The following CEP290 variants were observed in gnomAD, a reference collection of about 807,000 sequenced individuals.
The protein encoded by CEP290 is centrosomal protein 290.
Under a neutral mutation model 344.9 loss-of-function variants are expected in CEP290, and 317 were observed. That is an observed-to-expected ratio of 0.92 (90% confidence interval 0.84 to 1.01). The LOEUF (loss-of-function observed/expected upper bound fraction) is 1.01. CEP290 is among the 50% of genes least tolerant of loss of function. The pLI, the probability that CEP290 is intolerant of heterozygous loss-of-function variation, is 0.00. For synonymous variants in CEP290, 932 were observed against 895.8 expected (o/e 1.04, Z -0.72); for missense variants, 2,754 against 2,761.4 (o/e 1.00, Z 0.06).
chr12:88,051,021 T>G (rs570481201), intron 52 of CEP290, among the ~76,000 whole-genome samples: 1 of 152,248 alleles, frequency 6.6e-6, no homozygotes, highest in African/African-American at 2.4e-5. Context: ...ACCTCTAACT[T>G]TATCAGCAGG....
rs775650155 is a variant in CEP290 at position 88,049,134 on chromosome 12, A to ACTT, written c.*47_*49dup. ...AACTGCTTATTTCCAAGTATATTTA[A>ACTT]CTTATAAAGTTAATAAATAGTTAAA... On this transcript the variant is annotated 3_prime_UTR_variant, in exon 54 of 54. Transcript: ENST00000552810. The ACTT allele has an allele frequency of 5.4e-6, 6 of 1,109,576 alleles. No individual in the cohort carries two copies. The highest frequency in any genetic ancestry group is 6.6e-6 in the Non-Finnish European group (5 of 762,594). The allele number at this position is 1,109,576 out of a possible 1,614,324, so 68.7% of individuals were successfully genotyped here. A position where few individuals can be genotyped will look rare whatever the true frequency, so the allele number is the denominator to read the frequency against.
chr12:88,083,211 G>A lies in CEP290; in HGVS notation c.4832C>T (p.Pro1611Leu), dbSNP rs766917802. 2.7e-6 allele frequency: 4 copies of A among 1,489,104 alleles called. No individual in the cohort carries two copies. The Admixed American group carries it at 8.2e-5, about 31-fold the overall frequency. 92.2% of individuals were successfully genotyped at this position (1,489,104 alleles called of 1,614,324 possible). A position where few individuals can be genotyped will look rare whatever the true frequency, so the allele number is the denominator to read the frequency against. Reference protein sequence around the residue: ...QTAWDLMKQSPTPVPTNKHFI... With the variant: ...QTAWDLMKQSLTPVPTNKHFI... Reference sequence around the variant, plus strand: ...ATGCTTGTTGGTAGGAACTGGAGTGGGAGACTGTTTCATTAAATCCTATAA... The same window carrying A: ...ATGCTTGTTGGTAGGAACTGGAGTGAGAGACTGTTTCATTAAATCCTATAA... The change falls in exon 37 of 54, where the codon CCC (proline) becomes CTC (leucine). Residue 1611 changes from proline (P) to leucine (L), a missense_variant. By Grantham distance (98) the Pro-to-Leu change is moderately conservative. Coordinates refer to ENST00000552810, the MANE Select transcript of CEP290 (RefSeq NM_025114.4).
In CEP290 at chr12:88,106,853, G is replaced by T; in HGVS notation, c.2639C>A (p.Ala880Glu). The change falls in exon 25 of 54, where the codon GCA becomes GAA. Residue 880 changes from alanine to glutamate, a missense_variant. By Grantham distance (107) the Ala-to-Glu change is moderately radical (BLOSUM62 -1). Coordinates refer to ENST00000552810, the MANE Select transcript of CEP290 (RefSeq NM_025114.4). ...AACAGTAATTTTCCTACTATTTTCT[G>T]CAAGTATTTTTTTCATTTCATCCGA... ...MDSDEMKKIL[A>E]ENSRKITVLQ... 1 of 1,607,550 alleles carries T rather than the reference G, an allele frequency of 6.2e-7. No homozygotes were observed.
chr12:88,068,770 T>C, intron 43 of CEP290, 125 bp from the exon 44 acceptor site: 1 of 887,586 alleles, frequency 1.1e-6, no homozygotes, highest in Non-Finnish European at 1.7e-6. Flanking sequence ...TTTAAATTCT[T>C]CAAACCTTCT....
Position 88,050,401 on chromosome 12 carries a change from G to A in CEP290, c.7162C>T (p.Leu2388=), listed in dbSNP as rs1459370644. The A allele has an allele frequency of 1.9e-6, 3 of 1,562,788 alleles. No homozygotes were observed. In the African/African-American group the frequency reaches 4.1e-5, roughly 21 times the overall value. Reference sequence around the variant, plus strand: ...TCTGACATTTTGAGCTGTGTCTCTAGATCTTTTATTTTTTCCTTTAGTTGA... The same window carrying A: ...TCTGACATTTTGAGCTGTGTCTCTAAATCTTTTATTTTTTCCTTTAGTTGA... ...ADQLKEKIKD[L]ETQLKMSDLE... The change falls in exon 53 of 54, where the codon CTA becomes TTA. Residue 2388 remains leucine (L), a synonymous_variant. Transcript: ENST00000552810.
intron 52 of CEP290, among the ~76,000 whole-genome samples, chr12:88,050,966 A>G (rs530622282): frequency 6.6e-6 from 1 of 152,284 alleles, no homozygotes; most frequent in South Asian, 2.1e-4. Context: ...GTCTCCAAAT[A>G]TAGCACAAAA....
chr12:88,050,839 T>A (rs2033434068), intron 52 of CEP290, among the ~76,000 whole-genome samples: 1 of 152,188 alleles, frequency 6.6e-6, no homozygotes, highest in Non-Finnish European at 1.5e-5. Flanking sequence ...CACTGGCTAT[T>A]CCATGTAGGT....
chr12:88,119,741 C>T (rs949563015), intron 15 of CEP290, among the ~76,000 whole-genome samples: 2 of 152,088 alleles, frequency 1.3e-5, no homozygotes, highest in African/African-American at 4.8e-5. Flanking sequence ...GTTTAAATAT[C>T]TCATCTGTTA....
chr12:88,081,857 C>A (rs1332083719), intron 37 of CEP290, among the ~76,000 whole-genome samples: 2 of 152,118 alleles, frequency 1.3e-5, no homozygotes, highest in East Asian at 3.8e-4. Flanking sequence ...CAAAACATGA[C>A]AGAAATTTAC....
At chr12:88,097,610 T>TACACACACACACACACAC (rs34989046) in intron 26 of CEP290, among the ~76,000 whole-genome samples, 1 of 144,244 alleles carries the variant, frequency 6.9e-6, no homozygotes, top group Admixed American at 7.2e-5. Context: ...CACACACACA[T>TACACACACACACACACAC]ACACACACAC....
chr12:88,115,289 CAAAA>C (rs571451215), intron 18 of CEP290, 107 bp from the exon 19 acceptor site: 4 of 717,454 alleles, frequency 5.6e-6, no homozygotes, highest in Non-Finnish European at 8.9e-6. Context: ...CAAAACAAAA[CAAAA>C]AAAACGAGCT....
chr12:88,059,097 C>T, intron 48 of CEP290, 77 bp from the exon 49 acceptor site: 1 of 1,245,934 alleles, frequency 8.0e-7, no homozygotes, highest in South Asian at 1.7e-5. Flanking sequence ...TCAAAATTAT[C>T]ATTACAAATT....
At chr12:88,064,136 G>T in intron 44 of CEP290, 21 bp from the exon 45 acceptor site, 2 of 1,512,650 alleles carry the variant, frequency 1.3e-6, no homozygotes, top group Non-Finnish European at 1.8e-6. Context: ...ATGAAATTAG[G>T]AATATTTTTA....
Position 88,077,222 on chromosome 12 carries a change from CT to C in CEP290, c.5708del (p.Lys1903ArgfsTer7). 1 of 1,599,340 alleles carries C rather than the reference CT, an allele frequency of 6.3e-7. No homozygotes were observed. Among genetic ancestry groups the C allele is most frequent in the Admixed American group, 1.7e-5 (1 of 57,746 alleles). On this transcript the variant is annotated frameshift_variant and splice_region_variant, in exon 41 of 54. Transcript: ENST00000552810. LOFTEE classifies it high-confidence loss of function. ...TAAGTCAGTATGTTTCTTCACATAC[CT>C]TTTCTTTCATAGGTTTTAGGTCTAC... Reference protein sequence around the residue: ...EEVDLKPMKEKNAKEELIRWE... With the variant: ...EEVDLKPMKEXNAKEELIRWE...
intron 6 of CEP290, among the ~76,000 whole-genome samples, chr12:88,131,879 T>A (rs1407126477): frequency 6.6e-6 from 1 of 152,230 alleles, no homozygotes; most frequent in Admixed American, 6.5e-5. Flanking sequence ...TAGACTATTA[T>A]TTGCTCTCAG....
intron 7 of CEP290, 45 bp from the exon 8 acceptor site, chr12:88,130,610 A>G: frequency 6.8e-7 from 1 of 1,476,858 alleles, no homozygotes; most frequent in Non-Finnish European, 9.0e-7. Context: ...TGAGAAAGGT[A>G]ATACATAATT....
chr12:88,054,228 CAGTAA>C, intron 51 of CEP290, 107 bp downstream of exon 51: 1 of 673,348 alleles, frequency 1.5e-6, no homozygotes, highest in Non-Finnish European at 2.5e-6. Flanking sequence ...GCCTGTTAGG[CAGTAA>C]AGTCGAAAAA....
intron 6 of CEP290, among the ~76,000 whole-genome samples, chr12:88,134,270 C>T (rs2040236842): frequency 6.6e-6 from 1 of 152,230 alleles, no homozygotes; most frequent in Non-Finnish European, 1.5e-5. Flanking sequence ...CATCCTCCCT[C>T]TCCTCCAACA....
At chr12:88,122,468 T>C (rs2039464238) in intron 13 of CEP290, among the ~76,000 whole-genome samples, 1 of 152,180 alleles carries the variant, frequency 6.6e-6, no homozygotes, top group African/African-American at 2.4e-5. Flanking sequence ...GCCATTATTC[T>C]TCAGCTCTCT....
Sources: allele counts gnomAD v4.1 joint callset (sites outside exome capture counted in the v4.1 genomes callset), GRCh38; gene constraint gnomAD v4.1.1; transcripts MANE v1.5; gene names NCBI Gene and HGNC (gene_info 2026-07-23, HGNC 2026-07-21).